Variants in GNAL observed in about 807,000 individuals in gnomAD.
The protein encoded by GNAL is guanine nucleotide-binding protein G(olf) subunit alpha.
A neutral mutation model predicts 55.1 loss-of-function variants in GNAL; 18 were observed. That is an observed-to-expected ratio of 0.33 (90% CI 0.23 to 0.48). The LOEUF (loss-of-function observed/expected upper bound fraction) is 0.48. Ranked by LOEUF, GNAL falls within the 20% of genes least tolerant of loss-of-function variation. GNAL has a pLI of 0.99. For synonymous variants in GNAL, 253 were observed against 237.0 expected (o/e 1.07, Z -0.62); for missense variants, 412 against 614.1 (o/e 0.67, Z 3.48).
intron 5 of GNAL, among the ~76,000 whole-genome samples, chr18:11,855,217 G>A (rs1378668201): frequency 6.6e-6 from 1 of 152,206 alleles, no homozygotes; most frequent in Non-Finnish European, 1.5e-5. Context: ...TGGGATTACA[G>A]GCGTGAGCCA....
intron 4 of GNAL, among the ~76,000 whole-genome samples, chr18:11,773,550 G>C (rs1280188202): frequency 6.6e-6 from 1 of 152,174 alleles, no homozygotes; most frequent in African/African-American, 2.4e-5. Flanking sequence ...AGGAACGCTT[G>C]AGTGCAGGAG....
At chr18:11,695,922 G>GCACGCACGCACA (rs968123360) in intron 1 of GNAL, among the ~76,000 whole-genome samples, 7 of 136,050 alleles carry the variant, frequency 5.1e-5, no homozygotes, top group African/African-American at 2.1e-4. Flanking sequence ...ATGCACGCAT[G>GCACGCACGCACA]CACACACACA....
In GNAL at chr18:11,884,672, G is replaced by GT; in HGVS notation, c.*3539dup. 1 of 1,571,702 alleles carries GT rather than the reference G, an allele frequency of 6.4e-7. No homozygotes were observed. The highest frequency in any genetic ancestry group is 2.2e-5 in the East Asian group (1 of 44,504). ...GTTATGCTGAGAGCACCAGGCACAC[G>GT]TTGAACACCGCAGTCTTAGAAACAG... is the stretch of plus-strand genomic sequence containing the variant. On this transcript the variant is annotated 3_prime_UTR_variant, in exon 12 of 12. Coordinates refer to ENST00000334049, the MANE Select transcript of GNAL (RefSeq NM_182978.4).
intron 1 of GNAL, among the ~76,000 whole-genome samples, chr18:11,710,662 C>T (rs1391048725): frequency 2.0e-5 from 3 of 151,472 alleles, no homozygotes; most frequent in African/African-American, 7.3e-5. Flanking sequence ...ATAGTTTTGC[C>T]AGGTATAGTG....
At position 11,751,783 on chromosome 18, in the gene GNAL, G is replaced by A. The variant is rs970249011; in HGVS notation, c.377-1070G>A. On this transcript the variant is annotated intron_variant, in intron 1 of 11. Transcript: ENST00000334049. This position sits in a 1 kb window ranked among gnomAD's most constrained non-coding sequence, Gnocchi z 4.5. ...ACAGCGCGGTAGCGCCTCTCCGAGA[G>A]CTCCGGGACCAGCGGCCCGGCCGCC... is the stretch of plus-strand genomic sequence containing the variant. 1 of 462,598 alleles carries A rather than the reference G, an allele frequency of 2.2e-6. No homozygotes were observed. Among genetic ancestry groups the A allele is most frequent in the Non-Finnish European group, 2.8e-6 (1 of 351,822 alleles). The allele number at this position is 462,598 out of a possible 1,614,324, so 28.7% of individuals were successfully genotyped here. A position where few individuals can be genotyped will look rare whatever the true frequency, so the allele number is the denominator to read the frequency against.
chr18:11,740,331 C>G (rs2032550478), intron 1 of GNAL, among the ~76,000 whole-genome samples: 1 of 152,046 alleles, frequency 6.6e-6, no homozygotes, highest in South Asian at 2.1e-4. Context: ...CCTGCCCTGC[C>G]CACTCCACAC....
intron 4 of GNAL, among the ~76,000 whole-genome samples, chr18:11,784,999 T>C (rs2034018489): frequency 6.6e-6 from 1 of 152,166 alleles, no homozygotes; most frequent in South Asian, 2.1e-4. Context: ...TAGCACAATG[T>C]TGTTGGAAGA....
intron 4 of GNAL, among the ~76,000 whole-genome samples, chr18:11,772,854 C>T (rs939890035): frequency 6.6e-6 from 1 of 152,198 alleles, no homozygotes; most frequent in African/African-American, 2.4e-5. Context: ...CAGTTTCTTA[C>T]GGTTCAACCC....
chr18:11,738,018 G>A (rs1163832059), intron 1 of GNAL, among the ~76,000 whole-genome samples: 2 of 152,184 alleles, frequency 1.3e-5, no homozygotes, highest in African/African-American at 4.8e-5. Context: ...AGAACCCCCA[G>A]CGTCCAGGCT....
intron 4 of GNAL, among the ~76,000 whole-genome samples, chr18:11,803,440 G>T (rs1406149484): frequency 6.6e-6 from 1 of 152,226 alleles, no homozygotes; most frequent in Non-Finnish European, 1.5e-5. Context: ...TGTGTGTCTA[G>T]ACTGCATTTC....
intron 5 of GNAL, among the ~76,000 whole-genome samples, chr18:11,851,150 AGGAAAGT>A (rs2035848881): frequency 6.6e-6 from 1 of 152,246 alleles, no homozygotes; most frequent in South Asian, 2.1e-4. Flanking sequence ...ATTTATTACT[AGGAAAGT>A]GCGTGGGGGC....
At chr18:11,720,910 T>C (rs1360760730) in intron 1 of GNAL, among the ~76,000 whole-genome samples, 2 of 152,228 alleles carry the variant, frequency 1.3e-5, no homozygotes, top group East Asian at 3.8e-4. Context: ...TGTCCCTAAA[T>C]AACTTTATTG....
chr18:11,867,110 C>T (rs867015146), intron 7 of GNAL, 58 bp from the exon 8 acceptor site: 9 of 1,291,018 alleles, frequency 7.0e-6, no homozygotes, highest in African/African-American at 1.5e-5. Flanking sequence ...AAAGCAAGCA[C>T]GTTTGCCATT....
intron 4 of GNAL, among the ~76,000 whole-genome samples, chr18:11,811,950 A>C (rs1348681654): frequency 6.6e-6 from 1 of 152,238 alleles, no homozygotes; most frequent in Non-Finnish European, 1.5e-5. Context: ...TCCCTGATGA[A>C]AATACCTAAT....
chr18:11,790,593 C>T (rs753939555), intron 4 of GNAL, among the ~76,000 whole-genome samples: 6 of 150,420 alleles, frequency 4.0e-5, no homozygotes, highest in Non-Finnish European at 7.4e-5. Flanking sequence ...CCCTTTGACA[C>T]TTATGTAAAA....
At chr18:11,806,595 T>C (rs1342241498) in intron 4 of GNAL, among the ~76,000 whole-genome samples, 1 of 152,180 alleles carries the variant, frequency 6.6e-6, no homozygotes, top group Non-Finnish European at 1.5e-5. Context: ...AGAAAGAAAC[T>C]GTGTGCCCAG....
At position 11,689,806 on chromosome 18, in the gene GNAL, G is replaced by C. The variant is rs1231508697; in HGVS notation, c.243G>C (p.Leu81=). ...PKEKRQRTEQ[L]SAEEREAAKE... Reference sequence around the variant, plus strand: ...AGAAGCGGCAGCGCACCGAGCAGCTGAGTGCCGAGGAGCGCGAGGCGGCCA... The same window carrying C: ...AGAAGCGGCAGCGCACCGAGCAGCTCAGTGCCGAGGAGCGCGAGGCGGCCA... Residue 81 remains leucine, a synonymous_variant, in exon 1 of 12, where the codon CTG becomes CTC. Coordinates refer to ENST00000334049, the MANE Select transcript of GNAL (RefSeq NM_182978.4). 1 of 1,538,508 alleles carries C rather than the reference G, an allele frequency of 6.5e-7. No individual in the cohort carries two copies. The highest frequency in any genetic ancestry group is 1.9e-5 in the Admixed American group (1 of 51,452).
At chr18:11,767,504 G>A (rs2033448094) in intron 4 of GNAL, among the ~76,000 whole-genome samples, 1 of 150,488 alleles carries the variant, frequency 6.6e-6, no homozygotes, top group Admixed American at 6.6e-5. Context: ...TGCCTGCACT[G>A]TGTGCATCCT....
chr18:11,829,946 G>A (rs1232344094), intron 5 of GNAL, among the ~76,000 whole-genome samples: 1 of 152,134 alleles, frequency 6.6e-6, no homozygotes, highest in Non-Finnish European at 1.5e-5. Flanking sequence ...GGAGGCAGAG[G>A]TTTCAGTGAG....
Sources: gnomAD v4.1 joint callset for allele counts (sites outside exome capture counted in the v4.1 genomes callset) on GRCh38, gnomAD v4.1.1 for gene constraint, Gnocchi (gnomAD v3.1) non-coding constraint, MANE v1.5 for transcripts, NCBI Gene and HGNC (gene_info 2026-07-23, HGNC 2026-07-21) for gene names.